The following CREB3L2 variants were observed in gnomAD, a reference collection of about 807,000 sequenced individuals.
The protein encoded by CREB3L2 is cyclic AMP-responsive element-binding protein 3-like protein 2.
CREB3L2 carries 23 observed loss-of-function variants against 57.2 expected under a neutral mutation model. The ratio of observed to expected loss-of-function variants is 0.40; its 90% confidence interval spans 0.29 to 0.57. The LOEUF is 0.57. Ranked by LOEUF, CREB3L2 falls within the 20% of genes least tolerant of loss-of-function variation. The probability of loss-of-function intolerance (pLI) is 0.42; values close to 1 mark genes in which losing one functional copy is unlikely to be tolerated. For missense variants in CREB3L2, 628 were observed against 634.7 expected, an observed-to-expected ratio of 0.99 and a Z score of 0.11; for synonymous variants, 268 against 265.1, an observed-to-expected ratio of 1.01 and a Z score of -0.11.
At chr7:137,916,665 T>A (rs1800140319) in intron 2 of CREB3L2, among the ~76,000 whole-genome samples, 2 of 150,844 alleles carry the variant, frequency 1.3e-5, no homozygotes, top group Admixed American at 1.3e-4. Context: ...TTCAGTGAGC[T>A]GTGATCACAT....
chr7:137,922,370 C>CTATATATA (rs201270472), intron 2 of CREB3L2, among the ~76,000 whole-genome samples: 1 of 100,762 alleles, frequency 9.9e-6, no homozygotes, highest in Non-Finnish European at 1.9e-5. Flanking sequence ...TTCTGGTTTA[C>CTATATATA]TATATATATA....
chr7:137,925,726 C>T (rs1405587795), intron 2 of CREB3L2, among the ~76,000 whole-genome samples: 1 of 152,166 alleles, frequency 6.6e-6, no homozygotes, highest in Non-Finnish European at 1.5e-5. Flanking sequence ...CAAAGCTTTG[C>T]TGAACAAGTT....
intron 1 of CREB3L2, among the ~76,000 whole-genome samples, chr7:137,977,937 G>A (rs1347652637): frequency 6.7e-6 from 1 of 149,500 alleles, no homozygotes; most frequent in African/African-American, 2.5e-5. Flanking sequence ...AAGGAAAAAA[G>A]GAAAGGAAAG....
At chr7:137,971,760 A>G (rs1234415148) in intron 1 of CREB3L2, among the ~76,000 whole-genome samples, 3 of 152,168 alleles carry the variant, frequency 2.0e-5, no homozygotes, top group African/African-American at 7.2e-5. Context: ...TTAAACATTA[A>G]GCCAACTTAT....
At chr7:137,939,654 G>A (rs79855900) in intron 1 of CREB3L2, among the ~76,000 whole-genome samples, 3,654 of 152,316 alleles carry the variant, frequency 0.024, 74 homozygotes, top group Non-Finnish European at 0.038. Flanking sequence ...CAAGTCAACC[G>A]TTCAAGGCTG....
chr7:137,976,206 G>A (rs1801605366), intron 1 of CREB3L2, among the ~76,000 whole-genome samples: 1 of 152,134 alleles, frequency 6.6e-6, no homozygotes, highest in African/African-American at 2.4e-5. Flanking sequence ...ACCTCCTTGG[G>A]GTCCCTTTCC....
chr7:137,904,057 C>G, intron 6 of CREB3L2, 40 bp from the exon 7 acceptor site: 1 of 1,541,128 alleles, frequency 6.5e-7, no homozygotes, highest in Middle Eastern at 1.7e-4. Flanking sequence ...TAATTTCCAG[C>G]TCTGTAAGTA....
chr7:137,918,657 G>A (rs974003455), intron 2 of CREB3L2, among the ~76,000 whole-genome samples: 12 of 152,036 alleles, frequency 7.9e-5, no homozygotes, highest in African/African-American at 2.9e-4. Context: ...GAAATTGTGA[G>A]ATAAGGCCAG....
intron 1 of CREB3L2, among the ~76,000 whole-genome samples, chr7:137,944,080 T>C (rs1449415551): frequency 6.6e-6 from 1 of 152,206 alleles, no homozygotes; most frequent in Admixed American, 6.5e-5. Context: ...CCCATTGATC[T>C]GAATACTCTT....
intron 1 of CREB3L2, among the ~76,000 whole-genome samples, chr7:137,959,930 T>C (rs1451267160): frequency 6.6e-6 from 1 of 152,198 alleles, no homozygotes; most frequent in African/African-American, 2.4e-5. Flanking sequence ...CTTCCCTTTA[T>C]TTTTCAGAGG....
At chr7:137,884,788 A>G in intron 10 of CREB3L2, 1 of 662,934 alleles carries the variant, frequency 1.5e-6, no homozygotes, top group African/African-American at 1.8e-5. Context: ...GTGCTCTGTC[A>G]AGCTCTGGAG....
chr7:137,919,949 T>C (rs1287615836), intron 2 of CREB3L2, among the ~76,000 whole-genome samples: 2 of 152,212 alleles, frequency 1.3e-5, no homozygotes, highest in Non-Finnish European at 2.9e-5. Flanking sequence ...ATTTCCAACC[T>C]TGGGACACTA....
chr7:137,998,454 T>C (rs746837454), intron 1 of CREB3L2, among the ~76,000 whole-genome samples: 2 of 152,198 alleles, frequency 1.3e-5, no homozygotes, highest in Non-Finnish European at 2.9e-5. Flanking sequence ...GTTCCTATAT[T>C]CCAATCACTC....
At chr7:137,915,038 T>C (rs1345657697) in intron 3 of CREB3L2, among the ~76,000 whole-genome samples, 6 of 152,192 alleles carry the variant, frequency 3.9e-5, no homozygotes, top group South Asian at 2.1e-4. Context: ...CAGATAGACA[T>C]TCTATCTTGC....
intron 1 of CREB3L2, chr7:137,958,087 A>G: frequency 4.1e-6 from 1 of 246,190 alleles, no homozygotes; most frequent in Admixed American, 5.3e-5. Flanking sequence ...ACCAAGGGAA[A>G]CAGGCAGCTC....
At chr7:137,892,502 T>A (rs1200297132) in intron 8 of CREB3L2, among the ~76,000 whole-genome samples, 5 of 151,854 alleles carry the variant, frequency 3.3e-5, no homozygotes, top group Admixed American at 3.3e-4. Flanking sequence ...ATATAAAAAT[T>A]AGCCAGGGGT....
At chr7:137,958,015 A>T (rs1801249323) in intron 1 of CREB3L2, 1 of 242,848 alleles carries the variant, frequency 4.1e-6, no homozygotes, top group East Asian at 1.2e-4. Flanking sequence ...TGTTCAACTG[A>T]ATCAGTCACT....
intron 1 of CREB3L2, among the ~76,000 whole-genome samples, chr7:137,979,712 C>T (rs57325967): frequency 0.012 from 1,813 of 145,970 alleles, 28 homozygotes; most frequent in African/African-American, 0.042. Context: ...GGCAACAGAT[C>T]GAGACTCCGT....
chr7:137,919,286 C>T (rs1800219537), intron 2 of CREB3L2, among the ~76,000 whole-genome samples: 1 of 152,022 alleles, frequency 6.6e-6, no homozygotes, highest in African/African-American at 2.4e-5. Flanking sequence ...ATTCTCCTGC[C>T]TCAGCCTCCC....
Sources: gnomAD v4.1 joint callset for allele counts (sites outside exome capture counted in the v4.1 genomes callset) on GRCh38, gnomAD v4.1.1 for gene constraint, MANE v1.5 for transcripts, NCBI Gene and HGNC (gene_info 2026-07-23, HGNC 2026-07-21) for gene names.